Variants in MACROD2 observed in about 807,000 individuals in gnomAD.
MACROD2 encodes the protein ADP-ribose glycohydrolase MACROD2.
In MACROD2, 36 loss-of-function variants were observed where a neutral mutation model predicts 70.4. That is an observed-to-expected ratio of 0.51 (90% CI 0.39 to 0.68). MACROD2 has a LOEUF of 0.68. MACROD2 is among the 30% of genes least tolerant of loss of function. The pLI, the probability that MACROD2 is intolerant of heterozygous loss-of-function variation, is 0.00. For missense variants in MACROD2, 496 were observed against 538.4 expected, an observed-to-expected ratio of 0.92 and a Z score of 0.78; for synonymous variants, 172 against 178.8, an observed-to-expected ratio of 0.96 and a Z score of 0.30.
intron 3 of MACROD2, among the ~76,000 whole-genome samples, chr20:14,486,253 G>A (rs1010056935): frequency 5.3e-5 from 8 of 152,096 alleles, no homozygotes; most frequent in African/African-American, 1.9e-4. Flanking sequence ...GATTAGAATG[G>A]TGACCTTCTT....
At chr20:15,130,537 G>A (rs1230684308) in intron 5 of MACROD2, among the ~76,000 whole-genome samples, 2 of 152,092 alleles carry the variant, frequency 1.3e-5, no homozygotes, top group Non-Finnish European at 2.9e-5. Flanking sequence ...AAGGGTGGCA[G>A]TCTTCTTGCT....
At chr20:15,114,060 AT>A (rs1235033524) in intron 5 of MACROD2, among the ~76,000 whole-genome samples, 3 of 152,128 alleles carry the variant, frequency 2.0e-5, no homozygotes, top group Non-Finnish European at 4.4e-5. Flanking sequence ...GGTCACCGCT[AT>A]CCAAGGATTC....
In MACROD2 at chr20:14,459,853, C is replaced by T. The variant is rs527945582; in HGVS notation, c.272-33626C>T. On this transcript the variant is annotated intron_variant, in intron 3 of 17. Transcript: ENST00000684519. ...AACCCGTCATCTACATTAGGTATTT[C>T]TCCTAATGCTATCCCTCCCCTAGTC... Among the ~76,000 whole-genome samples the T allele has an allele frequency of 7.4e-4, 112 of 152,142 alleles. 1 individual carries two copies. The highest frequency in any genetic ancestry group is 2.7e-3 in the African/African-American group (111 of 41,478).
At chr20:15,256,060 C>T (rs543542019) in intron 6 of MACROD2, among the ~76,000 whole-genome samples, 2 of 152,144 alleles carry the variant, frequency 1.3e-5, no homozygotes, top group South Asian at 4.2e-4. Flanking sequence ...GTCACGTAGC[C>T]AACACCATCA....
chr20:15,227,621 C>T (rs778411289), intron 5 of MACROD2, among the ~76,000 whole-genome samples: 6 of 151,966 alleles, frequency 3.9e-5, no homozygotes, highest in Admixed American at 2.6e-4. Context: ...CCAAAATGGC[C>T]CTGAAACAAC....
At chr20:15,814,985 C>G (rs62194747) in intron 8 of MACROD2, among the ~76,000 whole-genome samples, 30,832 of 152,048 alleles carry the variant, frequency 0.2, 3,293 homozygotes, top group East Asian at 0.33. Context: ...GTGTTTGCAA[C>G]CATCTGGTTG....
intron 5 of MACROD2, among the ~76,000 whole-genome samples, chr20:14,957,723 G>C (rs1484877162): frequency 6.6e-6 from 1 of 152,098 alleles, no homozygotes; most frequent in Non-Finnish European, 1.5e-5. Context: ...GAACCAGTGT[G>C]TAGCACTTCT....
chr20:14,834,811 C>T (rs955107340), intron 5 of MACROD2, among the ~76,000 whole-genome samples: 2 of 151,850 alleles, frequency 1.3e-5, no homozygotes, highest in Admixed American at 6.6e-5. Context: ...AATTATTCCT[C>T]TCTTTTCATT....
chr20:15,210,552 G>GTTTTTTTTTTTTTTT (rs11333280), intron 5 of MACROD2, among the ~76,000 whole-genome samples: 1 of 121,652 alleles, frequency 8.2e-6, no homozygotes, highest in East Asian at 2.4e-4. Context: ...CTTTTCTTCT[G>GTTTTTTTTTTTTTTT]TTTTTTTTTT....
chr20:15,414,906 T>C (rs2046126072), intron 6 of MACROD2, among the ~76,000 whole-genome samples: 1 of 152,214 alleles, frequency 6.6e-6, no homozygotes, highest in Non-Finnish European at 1.5e-5. Context: ...AATCAGAATT[T>C]GCATTTTAGC....
chr20:14,523,938 T>G (rs1471534189), intron 4 of MACROD2, among the ~76,000 whole-genome samples: 1 of 152,196 alleles, frequency 6.6e-6, no homozygotes, highest in East Asian at 1.9e-4. Flanking sequence ...GCCAGTCTAG[T>G]TATGAGAGGT....
intron 2 of MACROD2, among the ~76,000 whole-genome samples, chr20:14,020,058 G>T (rs2053052713): frequency 6.6e-6 from 1 of 152,170 alleles, no homozygotes; most frequent in African/African-American, 2.4e-5. Context: ...GCAGTTTGGA[G>T]GTTAAACTAG....
At chr20:15,357,223 G>A (rs1377552645) in intron 6 of MACROD2, among the ~76,000 whole-genome samples, 1 of 152,118 alleles carries the variant, frequency 6.6e-6, no homozygotes, top group Non-Finnish European at 1.5e-5. Context: ...TAAAATATGT[G>A]ACTTGTGACT....
intron 8 of MACROD2, among the ~76,000 whole-genome samples, chr20:15,814,948 A>G (rs2063857595): frequency 6.6e-6 from 1 of 151,178 alleles, no homozygotes; most frequent in Non-Finnish European, 1.5e-5. Flanking sequence ...ACTTTTAATT[A>G]TGTCCAGAAG....
At chr20:14,928,297 T>C (rs137883841) in intron 5 of MACROD2, among the ~76,000 whole-genome samples, 28 of 152,314 alleles carry the variant, frequency 1.8e-4, no homozygotes, top group African/African-American at 6.5e-4. Flanking sequence ...CACTCAGAAA[T>C]ATTGATGAGT....
intron 5 of MACROD2, among the ~76,000 whole-genome samples, chr20:15,070,222 T>A (rs367840085): frequency 6.6e-6 from 1 of 152,288 alleles, no homozygotes; most frequent in Non-Finnish European, 1.5e-5. Flanking sequence ...AATGGGATTG[T>A]TTACCCAATG....
chr20:14,927,150 C>A (rs947072166), intron 5 of MACROD2, among the ~76,000 whole-genome samples: 1 of 151,680 alleles, frequency 6.6e-6, no homozygotes, highest in Non-Finnish European at 1.5e-5. Context: ...GGATCCCGTA[C>A]GTAAGTGAGA....
chr20:14,462,911 A>G (rs1430366922), intron 3 of MACROD2, among the ~76,000 whole-genome samples: 5 of 152,072 alleles, frequency 3.3e-5, no homozygotes, highest in Admixed American at 2.0e-4. Context: ...TTTTGGTACC[A>G]GTACCATGCT....
Position 15,409,551 on chromosome 20 carries a change from G to T in MACROD2, c.541-21854G>T, listed in dbSNP as rs1005959027. Among the ~76,000 whole-genome samples, 5 of 152,214 alleles carry T rather than the reference G, an allele frequency of 3.3e-5. No individual in the cohort carries two copies. In the East Asian group the frequency reaches 9.6e-4, roughly 29 times the overall value. Reference sequence around the variant, plus strand: ...ATATGAGCATACTTACCTCATTTGAGGTGAGGTTTCCCCAGAAGCAGACAG... The same window carrying T: ...ATATGAGCATACTTACCTCATTTGATGTGAGGTTTCCCCAGAAGCAGACAG... On this transcript the variant is annotated intron_variant, in intron 6 of 17. Transcript: ENST00000684519.
Sources: allele counts gnomAD v4.1 joint callset (sites outside exome capture counted in the v4.1 genomes callset), GRCh38; gene constraint gnomAD v4.1.1; transcripts MANE v1.5; gene names NCBI Gene and HGNC (gene_info 2026-07-23, HGNC 2026-07-21).